Variants in CNTN4 observed in about 807,000 individuals in gnomAD.
The protein encoded by CNTN4 is contactin 4, also known as contactin-4.
A neutral mutation model predicts 122.5 loss-of-function variants in CNTN4; 77 were observed. The ratio of observed to expected loss-of-function variants is 0.63; its 90% CI spans 0.52 to 0.76. The LOEUF (loss-of-function observed/expected upper bound fraction) is 0.76. Among genes scored for constraint, CNTN4 ranks in the 30% least tolerant of loss-of-function variants. CNTN4 has a pLI of 0.00. For missense variants in CNTN4, 1,256 were observed against 1,259.1 expected, an observed-to-expected ratio of 1.00 and a Z score of 0.04; for synonymous variants, 512 against 447.0, an observed-to-expected ratio of 1.15 and a Z score of -1.83.
intron 2 of CNTN4, among the ~76,000 whole-genome samples, chr3:2,112,841 A>G (rs2033068644): frequency 2.6e-5 from 4 of 152,110 alleles, no homozygotes; most frequent in South Asian, 2.1e-4. Flanking sequence ...ACCCCCATCC[A>G]TTTATGTATA....
chr3:2,885,291 A>C (rs1460544015), intron 9 of CNTN4, among the ~76,000 whole-genome samples: 1 of 152,204 alleles, frequency 6.6e-6, no homozygotes, highest in East Asian at 1.9e-4. Context: ...CCCTCTCTGC[A>C]ATTTAAGATT....
intron 13 of CNTN4, among the ~76,000 whole-genome samples, chr3:2,928,304 T>A (rs1348491962): frequency 2.6e-5 from 4 of 152,196 alleles, no homozygotes; most frequent in Non-Finnish European, 5.9e-5. Flanking sequence ...GTTTCTGAAA[T>A]GGGTGAACAA....
intron 6 of CNTN4, among the ~76,000 whole-genome samples, chr3:2,811,306 G>A (rs1016406329): frequency 3.3e-5 from 5 of 150,836 alleles, no homozygotes; most frequent in Non-Finnish European, 7.4e-5. Context: ...TACTCTGGAG[G>A]CTGAGGCAGG....
chr3:2,291,022 G>T (rs1368125928), intron 2 of CNTN4, among the ~76,000 whole-genome samples: 1 of 151,994 alleles, frequency 6.6e-6, no homozygotes, highest in Non-Finnish European at 1.5e-5. Flanking sequence ...TATATATATT[G>T]AGTGTCTTGG....
chr3:2,418,347 G>A (rs192497004), intron 3 of CNTN4, among the ~76,000 whole-genome samples: 1 of 152,276 alleles, frequency 6.6e-6, no homozygotes, highest in East Asian at 1.9e-4. Context: ...GGCAAAATGT[G>A]AGATTAGAAC....
In CNTN4 at chr3:2,608,826, G is replaced by T. The variant is rs565055183; in HGVS notation, c.55+37268G>T. Among the ~76,000 whole-genome samples the T allele has an allele frequency of 2.6e-5, 4 of 152,310 alleles. No individual in the cohort carries two copies. The East Asian group carries it at 7.7e-4, about 29-fold the overall frequency. ...AAAAATGCATTTGTTTGAGAGTAATGAATAGAAAAGGAAGTTGTGGCATGA... is the reference window on the plus strand; with the variant it reads ...AAAAATGCATTTGTTTGAGAGTAATTAATAGAAAAGGAAGTTGTGGCATGA... On this transcript the variant is annotated intron_variant, in intron 4 of 24. Transcript: ENST00000418658.
chr3:2,387,018 G>A (rs150763236), intron 3 of CNTN4, among the ~76,000 whole-genome samples: 1 of 152,162 alleles, frequency 6.6e-6, no homozygotes, highest in Non-Finnish European at 1.5e-5. Context: ...AGAAATAGAA[G>A]TTAGAGTTTT....
At chr3:2,662,840 C>A (rs1321278343) in intron 4 of CNTN4, among the ~76,000 whole-genome samples, 1 of 152,072 alleles carries the variant, frequency 6.6e-6, no homozygotes, top group Non-Finnish European at 1.5e-5. Flanking sequence ...TGCCTGTAAT[C>A]CCAGCGCTTT....
intron 2 of CNTN4, among the ~76,000 whole-genome samples, chr3:2,189,438 C>T (rs1038043967): frequency 1.1e-4 from 17 of 152,082 alleles, no homozygotes; most frequent in Non-Finnish European, 1.5e-5. Flanking sequence ...CAATAACAGG[C>T]ACAACAGATT....
intron 6 of CNTN4, among the ~76,000 whole-genome samples, chr3:2,778,230 AAATAAAT>A (rs2091425682): frequency 2.2e-5 from 3 of 135,638 alleles, no homozygotes; most frequent in African/African-American, 7.9e-5. Context: ...ATAAATAAAT[AAATAAAT>A]AAATAAATAA....
intron 6 of CNTN4, among the ~76,000 whole-genome samples, chr3:2,777,373 T>A (rs887330587): frequency 6.6e-6 from 1 of 152,254 alleles, no homozygotes; most frequent in African/African-American, 2.4e-5. Context: ...TCTACGGCTC[T>A]CCAACTAATA....
chr3:2,834,194 T>TA (rs1289469787), intron 7 of CNTN4, among the ~76,000 whole-genome samples: 2 of 151,770 alleles, frequency 1.3e-5, no homozygotes, highest in South Asian at 2.1e-4. Context: ...CAATTTTTGT[T>TA]AAAAAAATAA....
intron 2 of CNTN4, among the ~76,000 whole-genome samples, chr3:2,126,848 G>A (rs964034601): frequency 6.6e-6 from 1 of 152,104 alleles, no homozygotes; most frequent in Non-Finnish European, 1.5e-5. Context: ...TAGAAATAAA[G>A]AGACGAGAAA....
intron 4 of CNTN4, among the ~76,000 whole-genome samples, chr3:2,692,593 A>G (rs550318626): frequency 6.6e-6 from 1 of 152,310 alleles, no homozygotes; most frequent in South Asian, 2.1e-4. Context: ...ATCCGGCAAC[A>G]GTATATCATG....
chr3:2,164,333 C>A (rs1234087718), intron 2 of CNTN4, among the ~76,000 whole-genome samples: 1 of 152,052 alleles, frequency 6.6e-6, no homozygotes, highest in Admixed American at 6.5e-5. Context: ...AGAAAATTCG[C>A]ATAACTGTAA....
At chr3:2,293,632 G>A (rs138411834) in intron 2 of CNTN4, among the ~76,000 whole-genome samples, 7 of 152,080 alleles carry the variant, frequency 4.6e-5, no homozygotes, top group African/African-American at 1.7e-4. Flanking sequence ...TAAATGTGTT[G>A]GCTGTTATTA....
At chr3:2,973,041 A>G (rs1253401911) in intron 13 of CNTN4, among the ~76,000 whole-genome samples, 1 of 152,042 alleles carries the variant, frequency 6.6e-6, no homozygotes, top group African/African-American at 2.4e-5. Flanking sequence ...TTCTGTCATC[A>G]TGAGAATTAT....
At chr3:2,226,481 A>G (rs945313215) in intron 2 of CNTN4, among the ~76,000 whole-genome samples, 5 of 152,246 alleles carry the variant, frequency 3.3e-5, no homozygotes, top group Middle Eastern at 3.4e-3. Flanking sequence ...TACTATGGGG[A>G]AGTCAAATCT....
At chr3:2,587,423 A>G (rs916157203) in intron 4 of CNTN4, among the ~76,000 whole-genome samples, 13 of 152,210 alleles carry the variant, frequency 8.5e-5, no homozygotes, top group Admixed American at 4.6e-4. Flanking sequence ...TTTGCACACA[A>G]ATGATCCTTG....
Sources: allele counts gnomAD v4.1 joint callset (sites outside exome capture counted in the v4.1 genomes callset), GRCh38; gene constraint gnomAD v4.1.1; transcripts MANE v1.5; gene names NCBI Gene and HGNC (gene_info 2026-07-23, HGNC 2026-07-21).